Variants in NDFIP2 observed in about 807,000 individuals in gnomAD.
NDFIP2 encodes the protein Nedd4 family interacting protein 2.
A neutral mutation model predicts 36.0 loss-of-function variants in NDFIP2; 19 were observed. The observed-to-expected ratio is 0.53, with a 90% CI of 0.37 to 0.77. The LOEUF is 0.77. NDFIP2 is among the 30% of genes least tolerant of loss of function. NDFIP2 has a pLI of 0.00. For synonymous variants in NDFIP2, 181 were observed against 167.7 expected (o/e 1.08, Z -0.61); for missense variants, 446 against 435.8 (o/e 1.02, Z -0.21).
chr13:79,483,638 A>G (rs1349409300), intron 1 of NDFIP2, among the ~76,000 whole-genome samples: 2 of 152,148 alleles, frequency 1.3e-5, no homozygotes, highest in African/African-American at 2.4e-5. Context: ...TTTTTCACTT[A>G]CTTAAAGAGT....
intron 1 of NDFIP2, among the ~76,000 whole-genome samples, chr13:79,495,504 A>G (rs1873402726): frequency 6.6e-6 from 1 of 151,890 alleles, no homozygotes; most frequent in Non-Finnish European, 1.5e-5. Flanking sequence ...TTTTGCCATT[A>G]CTTTAAAATA....
intron 3 of NDFIP2, among the ~76,000 whole-genome samples, chr13:79,538,130 A>G (rs1300787500): frequency 1.3e-5 from 2 of 152,194 alleles, no homozygotes; most frequent in Non-Finnish European, 2.9e-5. Flanking sequence ...TCATGAGAAC[A>G]GCGCCCAGGA....
At chr13:79,507,641 C>T (rs975026488) in intron 1 of NDFIP2, among the ~76,000 whole-genome samples, 1 of 151,544 alleles carries the variant, frequency 6.6e-6, no homozygotes, top group Non-Finnish European at 1.5e-5. Context: ...CACATGGGTG[C>T]TGTGTATTCT....
At chr13:79,525,443 A>C (rs1425687606) in intron 2 of NDFIP2, among the ~76,000 whole-genome samples, 1 of 152,150 alleles carries the variant, frequency 6.6e-6, no homozygotes, top group African/African-American at 2.4e-5. Context: ...TTATTAAGGC[A>C]AGAACTTTCA....
chr13:79,481,214 G>C lies in NDFIP2; in HGVS notation c.11G>C (p.Arg4Pro). 1 of 1,508,264 alleles carries C rather than the reference G, an allele frequency of 6.6e-7. No homozygotes were observed. The highest frequency in any genetic ancestry group is 1.7e-4 in the Middle Eastern group (1 of 5,866). The allele number at this position is 1,508,264 out of a possible 1,614,324, so 93.4% of individuals were successfully genotyped here. A position where few individuals can be genotyped will look rare whatever the true frequency, so the allele number is the denominator to read the frequency against. Residue 4 changes from arginine to proline, a missense_variant, in exon 1 of 8, where the codon CGG becomes CCG. Around this residue, in one of 2 missense-constraint regions of NDFIP2, gnomAD observed 369 missense variants for 304.8 expected, o/e 1.21. Coordinates refer to ENST00000218652, the MANE Select transcript of NDFIP2 (RefSeq NM_019080.3). MAR[R>P]RSQRVCASGP... Reference sequence around the variant, plus strand: ...CCACTGGCGGCGCGGATGGCACGCCGGCGGAGCCAGCGAGTCTGCGCGAGC... The same window carrying C: ...CCACTGGCGGCGCGGATGGCACGCCCGCGGAGCCAGCGAGTCTGCGCGAGC...
intron 2 of NDFIP2, among the ~76,000 whole-genome samples, chr13:79,523,218 G>A (rs1874654136): frequency 6.6e-6 from 1 of 151,976 alleles, no homozygotes; most frequent in Admixed American, 6.6e-5. Flanking sequence ...TTGTTTGTTT[G>A]TTTTTGTTTT....
At position 79,543,532 on chromosome 13, in the gene NDFIP2, A is replaced by G. The variant is rs776443738; in HGVS notation, c.716-26A>G. 5 of 1,612,290 alleles carry G rather than the reference A, an allele frequency of 3.1e-6. No homozygotes were observed. In the African/African-American group the frequency reaches 4.0e-5, roughly 13 times the overall value. Reference sequence around the variant, plus strand: ...AATTTGTTTCCAAATTGTGGTTTATAAAAGAACGGTTTCTGTTGCTTTTAG... The same window carrying G: ...AATTTGTTTCCAAATTGTGGTTTATGAAAGAACGGTTTCTGTTGCTTTTAG... On this transcript the variant is annotated intron_variant, in intron 4 of 7. Transcript: ENST00000218652.
intron 1 of NDFIP2, among the ~76,000 whole-genome samples, chr13:79,503,383 C>T (rs1293055298): frequency 2.0e-5 from 3 of 152,014 alleles, no homozygotes; most frequent in Admixed American, 2.0e-4. Flanking sequence ...CAAGGATAAG[C>T]GGACTAGAGA....
At chr13:79,515,941 G>T (rs73551592) in intron 1 of NDFIP2, among the ~76,000 whole-genome samples, 2 of 148,214 alleles carry the variant, frequency 1.3e-5, no homozygotes, top group Admixed American at 6.7e-5. Flanking sequence ...TTTTTTGGGT[G>T]GGGGGCAGGG....
At chr13:79,523,432 C>T (rs932310497) in intron 2 of NDFIP2, among the ~76,000 whole-genome samples, 2 of 152,172 alleles carry the variant, frequency 1.3e-5, no homozygotes, top group African/African-American at 4.8e-5. Context: ...GTTGGTCAGG[C>T]TGGTCTCGAA....
chr13:79,509,548 A>C (rs917040711), intron 1 of NDFIP2, among the ~76,000 whole-genome samples: 4 of 152,162 alleles, frequency 2.6e-5, no homozygotes, highest in Non-Finnish European at 5.9e-5. Flanking sequence ...GTAAAGAGGC[A>C]TGTCTGCTCC....
At chr13:79,510,075 C>G (rs1471899420) in intron 1 of NDFIP2, among the ~76,000 whole-genome samples, 1 of 152,184 alleles carries the variant, frequency 6.6e-6, no homozygotes, top group Non-Finnish European at 1.5e-5. Flanking sequence ...TATTAACTAT[C>G]ACAGGAGTCC....
chr13:79,489,170 C>T (rs1163015846), intron 1 of NDFIP2, among the ~76,000 whole-genome samples: 1 of 152,138 alleles, frequency 6.6e-6, no homozygotes, highest in Non-Finnish European at 1.5e-5. Flanking sequence ...TGATTCTACT[C>T]CACATAGTGT....
At chr13:79,537,208 A>T (rs761244609) in intron 3 of NDFIP2, among the ~76,000 whole-genome samples, 1 of 152,050 alleles carries the variant, frequency 6.6e-6, no homozygotes, top group South Asian at 2.1e-4. Flanking sequence ...CCCCAGTTCA[A>T]ATGATTCTCC....
chr13:79,506,238 T>A (rs1873862721), intron 1 of NDFIP2, among the ~76,000 whole-genome samples: 1 of 152,162 alleles, frequency 6.6e-6, no homozygotes. Context: ...CCATGTTACC[T>A]ATTTCGTCTA....
At chr13:79,501,674 A>G (rs755773282) in intron 1 of NDFIP2, among the ~76,000 whole-genome samples, 3 of 152,120 alleles carry the variant, frequency 2.0e-5, no homozygotes, top group Non-Finnish European at 4.4e-5. Context: ...ACTTTGATGG[A>G]TCAACCCCTT....
intron 1 of NDFIP2, among the ~76,000 whole-genome samples, chr13:79,506,362 A>G (rs1404367298): frequency 6.6e-6 from 1 of 152,152 alleles, no homozygotes; most frequent in Non-Finnish European, 1.5e-5. Flanking sequence ...TCTTTTCATG[A>G]ACATTTCCTT....
intron 1 of NDFIP2, among the ~76,000 whole-genome samples, chr13:79,482,621 A>T (rs900121706): frequency 3.9e-5 from 3 of 76,530 alleles, no homozygotes; most frequent in African/African-American, 1.2e-4. Context: ...CTATTTGCAC[A>T]TGTAAGACAG....
chr13:79,517,104 TTTC>T (rs1350566028), intron 1 of NDFIP2, among the ~76,000 whole-genome samples: 2 of 152,212 alleles, frequency 1.3e-5, no homozygotes, highest in Non-Finnish European at 2.9e-5. Context: ...GTCATTTTTT[TTTC>T]TTTAGACAAA....
Sources: gnomAD v4.1 joint callset for allele counts (sites outside exome capture counted in the v4.1 genomes callset) on GRCh38, gnomAD v4.1.1 for gene constraint, gnomAD v4.1.1 regional missense constraint, MANE v1.5 for transcripts, NCBI Gene and HGNC (gene_info 2026-07-23, HGNC 2026-07-21) for gene names.